The following RERE variants were observed in gnomAD, a reference collection of about 807,000 sequenced individuals.
The protein encoded by RERE is arginine-glutamic acid dipeptide repeats, also known as arginine-glutamic acid dipeptide repeats protein.
A neutral mutation model predicts 146.1 loss-of-function variants in RERE; 40 were observed. That is an observed-to-expected ratio of 0.27 (90% CI 0.21 to 0.36). RERE has a LOEUF of 0.36. Among genes scored for constraint, RERE ranks in the 10% least tolerant of loss-of-function variants. RERE has a pLI of 1.00. For synonymous variants in RERE, 1,003 were observed against 866.0 expected (o/e 1.16, Z -2.78); for missense variants, 1,933 against 2,138.7 (o/e 0.90, Z 1.90).
chr1:8,423,710 G>T lies in RERE; in HGVS notation c.1204-903C>A, dbSNP rs1570207028. On this transcript the variant is annotated intron_variant, in intron 11 of 22. Transcript: ENST00000400908. This position sits in a 1 kb window ranked among gnomAD's most constrained non-coding sequence, Gnocchi z 5.4. Reference sequence around the variant, plus strand: ...GGCGGCCGCGGGTGGCTCGGCGTGTGACCGCGGCGGGGCCGCGCGGCGCGG... The same window carrying T: ...GGCGGCCGCGGGTGGCTCGGCGTGTTACCGCGGCGGGGCCGCGCGGCGCGG... 4.1e-6 allele frequency: 4 copies of T among 981,246 alleles called. No homozygotes were observed. In the South Asian group the frequency reaches 1.9e-4, roughly 46 times the overall value. 60.8% of individuals were successfully genotyped at this position (981,246 alleles called of 1,614,324 possible).
At chr1:8,559,304 A>AAAC (rs754733974) in intron 4 of RERE, among the ~76,000 whole-genome samples, 2 of 130,186 alleles carry the variant, frequency 1.5e-5, no homozygotes, top group East Asian at 4.7e-4. Flanking sequence ...AAAAAAAAAA[A>AAAC]CAGAACAAAA....
At chr1:8,452,550 C>A (rs1315396083) in intron 11 of RERE, among the ~76,000 whole-genome samples, 1 of 151,974 alleles carries the variant, frequency 6.6e-6, no homozygotes, top group African/African-American at 2.4e-5. Context: ...AGTCTTGTTT[C>A]CAAAAAACTA....
At chr1:8,775,794 C>T (rs1055976881) in intron 1 of RERE, among the ~76,000 whole-genome samples, 12 of 152,284 alleles carry the variant, frequency 7.9e-5, no homozygotes, top group African/African-American at 2.9e-4. Flanking sequence ...TTAAGCTTTG[C>T]ATATATTAAC....
intron 2 of RERE, among the ~76,000 whole-genome samples, chr1:8,651,678 A>G (rs1030793235): frequency 6.6e-6 from 1 of 151,752 alleles, no homozygotes; most frequent in Non-Finnish European, 1.5e-5. Flanking sequence ...GTGAGCTGTG[A>G]TCATACCACT....
intron 1 of RERE, among the ~76,000 whole-genome samples, chr1:8,698,402 T>C (rs1639379302): frequency 6.6e-6 from 1 of 152,242 alleles, no homozygotes. Flanking sequence ...GATAATGTGG[T>C]GAGCTACTGG....
intron 1 of RERE, among the ~76,000 whole-genome samples, chr1:8,764,218 T>TAC (rs941767298): frequency 1.3e-5 from 2 of 151,976 alleles, no homozygotes; most frequent in African/African-American, 4.8e-5. Context: ...GGCCTCAGAG[T>TAC]ACACATGGGT....
intron 10 of RERE, among the ~76,000 whole-genome samples, chr1:8,487,074 C>T (rs533039777): frequency 1.3e-5 from 2 of 152,170 alleles, no homozygotes; most frequent in East Asian, 1.9e-4. Flanking sequence ...TCCAATAGTA[C>T]GTAGTGACCA....
At chr1:8,469,639 T>C (rs77218896) in intron 10 of RERE, among the ~76,000 whole-genome samples, 2,017 of 152,130 alleles carry the variant, frequency 0.013, 45 homozygotes, top group African/African-American at 0.047. Context: ...ATAATAATAG[T>C]AATAAGAAAA....
intron 1 of RERE, among the ~76,000 whole-genome samples, chr1:8,761,890 C>T (rs575003710): frequency 7.6e-4 from 116 of 151,828 alleles, no homozygotes; most frequent in Non-Finnish European, 1.9e-4. Flanking sequence ...CCATTGCACT[C>T]CAGACTGGGC....
intron 1 of RERE, chr1:8,806,932 C>A (rs1641703787): frequency 6.6e-6 from 1 of 152,258 alleles, no homozygotes; most frequent in Non-Finnish European, 1.5e-5. Context: ...AAATTAGCAT[C>A]AGCATCTTAC....
At chr1:8,550,843 C>T (rs572009686) in intron 6 of RERE, among the ~76,000 whole-genome samples, 30 of 152,216 alleles carry the variant, frequency 2.0e-4, no homozygotes, top group Non-Finnish European at 3.5e-4. Flanking sequence ...CCACCGTGCC[C>T]GGCCACTAAA....
intron 11 of RERE, among the ~76,000 whole-genome samples, chr1:8,429,599 C>A (rs1644066004): frequency 1.3e-5 from 2 of 152,294 alleles, no homozygotes; most frequent in Middle Eastern, 6.8e-3. Context: ...TCTGCATTAA[C>A]CCCTGGCTGA....
At chr1:8,468,899 A>AT (rs983386045) in intron 10 of RERE, among the ~76,000 whole-genome samples, 1 of 148,612 alleles carries the variant, frequency 6.7e-6, no homozygotes, top group African/African-American at 2.6e-5. Flanking sequence ...CCTGCCTCCA[A>AT]TAAAAAAAAA....
intron 4 of RERE, among the ~76,000 whole-genome samples, chr1:8,589,656 A>T (rs992190175): frequency 7.9e-5 from 12 of 152,226 alleles, no homozygotes; most frequent in Non-Finnish European, 1.8e-4. Flanking sequence ...GGAGAAAGGC[A>T]AACAAGAGTT....
chr1:8,371,821 G>C (rs1457577044), intron 12 of RERE, among the ~76,000 whole-genome samples: 1 of 152,200 alleles, frequency 6.6e-6, no homozygotes, highest in Admixed American at 6.5e-5. Context: ...TGGTTCTGCT[G>C]TTCTGGCCAG....
rs1488927398 is a variant in RERE, at chr1:8,423,225, T to A, written c.1204-418A>T. 6.2e-6 allele frequency: 1 copy of A among 160,368 alleles called. No individual in the cohort carries two copies. The highest frequency in any genetic ancestry group is 2.4e-5 in the African/African-American group (1 of 41,536). The allele number at this position is 160,368 out of a possible 1,614,324, so 9.9% of individuals were successfully genotyped here. A position where few individuals can be genotyped will look rare whatever the true frequency, so the allele number is the denominator to read the frequency against. On this transcript the variant is annotated intron_variant, in intron 11 of 22. Coordinates refer to ENST00000400908, the MANE Select transcript of RERE (RefSeq NM_001042681.2). The surrounding 1 kb of genome is among the most constrained non-coding windows in gnomAD (Gnocchi z 5.4). The stretch of plus-strand genomic sequence containing the variant: ...AAAGGGGAAACAGAACCAAACCCGG[T>A]GACTCTTCTCCAGAAGGGAACCCTA...
At chr1:8,592,890 G>C (rs1646512252) in intron 4 of RERE, among the ~76,000 whole-genome samples, 1 of 152,110 alleles carries the variant, frequency 6.6e-6, no homozygotes, top group African/African-American at 2.4e-5. Flanking sequence ...AAAACGTGTT[G>C]AAACTGTTCT....
chr1:8,547,369 C>T (rs530747148), intron 6 of RERE, among the ~76,000 whole-genome samples: 1 of 142,266 alleles, frequency 7.0e-6, no homozygotes, highest in South Asian at 2.3e-4. Flanking sequence ...GAAAGGCTTT[C>T]TAACTATGAC....
chr1:8,500,674 G>C (rs1437846446), intron 8 of RERE, among the ~76,000 whole-genome samples: 2 of 147,902 alleles, frequency 1.4e-5, no homozygotes, highest in East Asian at 2.1e-4. Flanking sequence ...GCCGCCCATC[G>C]TCTGGGATAT....
Sources: gnomAD v4.1 joint callset for allele counts (sites outside exome capture counted in the v4.1 genomes callset) on GRCh38, gnomAD v4.1.1 for gene constraint, Gnocchi (gnomAD v3.1) non-coding constraint, MANE v1.5 for transcripts, NCBI Gene and HGNC (gene_info 2026-07-23, HGNC 2026-07-21) for gene names.